Variants in ABCC5 observed in about 807,000 individuals in gnomAD.
ABCC5 encodes the protein ATP-binding cassette sub-family C member 5.
A neutral mutation model predicts 160.9 loss-of-function variants in ABCC5; 61 were observed. The ratio of observed to expected loss-of-function variants is 0.38; its 90% CI spans 0.31 to 0.47. The LOEUF is 0.47. Among genes scored for constraint, ABCC5 ranks in the 20% least tolerant of loss-of-function variants. The probability of loss-of-function intolerance (pLI) is 0.99; values close to 1 mark genes in which losing one functional copy is unlikely to be tolerated. For synonymous variants in ABCC5, 666 were observed against 700.6 expected, an observed-to-expected ratio of 0.95 and a Z score of 0.78; for missense variants, 1,308 against 1,813.3, an observed-to-expected ratio of 0.72 and a Z score of 5.06.
chr3:183,969,457 C>T (rs952746779), intron 11 of ABCC5, among the ~76,000 whole-genome samples: 10 of 152,162 alleles, frequency 6.6e-5, no homozygotes, highest in African/African-American at 2.4e-4. Flanking sequence ...CTTTGAAAGG[C>T]CAGGCAGGCA....
chr3:183,928,011 C>T (rs796592013), intron 27 of ABCC5: 3 of 167,172 alleles, frequency 1.8e-5, no homozygotes, highest in South Asian at 3.9e-4. Flanking sequence ...TGCAGCTGCT[C>T]GTGAGGGCCT....
chr3:183,961,466 T>G, intron 16 of ABCC5, 45 bp downstream of exon 16: 16 of 1,605,506 alleles, frequency 1.0e-5, no homozygotes, highest in Non-Finnish European at 1.4e-5. Flanking sequence ...TGTGTTTCCC[T>G]TGCAGAGACA....
In ABCC5 at chr3:184,017,380, G is replaced by A. The variant is rs919285879; in HGVS notation, c.-56+450C>T. The A allele has an allele frequency of 2.0e-5, 3 of 152,374 alleles. No homozygotes were observed. The highest frequency in any genetic ancestry group is 2.1e-4 in the South Asian group (1 of 4,832). 9.4% of individuals were successfully genotyped at this position (152,374 alleles called of 1,614,324 possible). A position where few individuals can be genotyped will look rare whatever the true frequency, so the allele number is the denominator to read the frequency against. On this transcript the variant is annotated intron_variant, in intron 1 of 29. Coordinates refer to ENST00000334444, the MANE Select transcript of ABCC5 (RefSeq NM_005688.4). The surrounding 1 kb of genome is among the most constrained non-coding windows in gnomAD (Gnocchi z 4.5). ...AAGGTCGCTGGCGGCTCCGCTGCGG[G>A]TTGAGCAGGGTGCCCCGAGCCACCC...
Position 183,956,104 on chromosome 3 carries a change from T to G in ABCC5, c.2483-2834A>C, listed in dbSNP as rs1413726803. Among the ~76,000 whole-genome samples the G allele has an allele frequency of 5.2e-3, 425 of 81,590 alleles. 1 individual carries two copies. The highest frequency in any genetic ancestry group is 0.028 in the Middle Eastern group (3 of 106). The allele number at this position is 81,590 out of a possible 152,430, so 53.5% of individuals were successfully genotyped here. On this transcript the variant is annotated intron_variant, in intron 17 of 29. Transcript: ENST00000334444. ...TGCAGATCCGTGTGTATATCACATC[T>G]GTTACATGCAGCTCCGTGTGTATAT...
chr3:183,989,206 C>G lies in ABCC5; in HGVS notation c.287+20G>C. 3.3e-6 allele frequency: 4 copies of G among 1,202,360 alleles called. No individual in the cohort carries two copies. Among genetic ancestry groups the G allele is most frequent in the Non-Finnish European group, 4.8e-6 (4 of 837,140 alleles). The allele number at this position is 1,202,360 out of a possible 1,614,324, so 74.5% of individuals were successfully genotyped here. A position where few individuals can be genotyped will look rare whatever the true frequency, so the allele number is the denominator to read the frequency against. On this transcript the variant is annotated intron_variant, in intron 3 of 29. Transcript: ENST00000334444. ...AAGGCCTTTGATGCTTCACTGTCATCACTCAGCACGGCATCTTACTTGGAA... is the reference window on the plus strand; with the variant it reads ...AAGGCCTTTGATGCTTCACTGTCATGACTCAGCACGGCATCTTACTTGGAA...
rs1245576464 is a variant in ABCC5 at position 183,963,624 on chromosome 3, G to T, written c.2032-36C>A. On this transcript the variant is annotated intron_variant, in intron 14 of 29. Transcript: ENST00000334444. The surrounding 1 kb of genome is among the most constrained non-coding windows in gnomAD (Gnocchi z 4.6). ...CCAGAAGTGTGGTGAAGCCTCCAGC[G>T]CAAGTCCAGAACAGCGTGGAGGGGT... is the stretch of plus-strand genomic sequence containing the variant. 7 of 1,607,632 alleles carry T rather than the reference G, an allele frequency of 4.4e-6. No individual in the cohort carries two copies. The South Asian group carries it at 5.5e-5, about 13-fold the overall frequency.
At chr3:183,933,981 T>C (rs567624266) in intron 26 of ABCC5, among the ~76,000 whole-genome samples, 1 of 152,242 alleles carries the variant, frequency 6.6e-6, no homozygotes, top group South Asian at 2.1e-4. Context: ...CTTGGGAAAC[T>C]CATCATAGGC....
chr3:183,942,968 T>C (rs772400427), intron 24 of ABCC5, 52 bp from the exon 25 acceptor site: 1 of 1,530,826 alleles, frequency 6.5e-7, no homozygotes, highest in East Asian at 2.3e-5. Flanking sequence ...CTTGGGGAGC[T>C]GCAGGCTTTG....
In ABCC5 at chr3:183,971,905, C is replaced by G; in HGVS notation, c.1419G>C (p.Met473Ile). The change falls in exon 11 of 30, where the codon ATG becomes ATC. Residue 473 changes from methionine (M) to isoleucine (I), a missense_variant. Physicochemically the swap from Met to Ile is conservative, Grantham distance 10 (BLOSUM62 1). Transcript: ENST00000334444. Reference sequence around the variant, plus strand: ...TGTTCTTTATCATGTGAACCTCTTCCATTAGAAACAAACTCTGATAGGAGT... The same window carrying G: ...TGTTCTTTATCATGTGAACCTCTTCGATTAGAAACAAACTCTGATAGGAGT... ...AVDRFKSLFL[M>I]EEVHMIKNKP... 6.2e-7 allele frequency: 1 copy of G among 1,614,054 alleles called. No individual in the cohort carries two copies. Among genetic ancestry groups the G allele is most frequent in the Non-Finnish European group, 8.5e-7 (1 of 1,180,024 alleles).
chr3:183,975,306 G>A (rs114229290), intron 10 of ABCC5, among the ~76,000 whole-genome samples: 4,252 of 152,160 alleles, frequency 0.028, 84 homozygotes, highest in Non-Finnish European at 0.044. Flanking sequence ...AGAAAGAACC[G>A]GCTTAGAGTT....
intron 2 of ABCC5, among the ~76,000 whole-genome samples, chr3:184,008,203 G>A (rs1206083309): frequency 6.6e-6 from 1 of 152,206 alleles, no homozygotes; most frequent in Non-Finnish European, 1.5e-5. Flanking sequence ...TCGGTTCAGT[G>A]CTGTGCATGC....
intron 26 of ABCC5, among the ~76,000 whole-genome samples, chr3:183,929,238 G>A (rs1008580393): frequency 1.3e-5 from 2 of 152,034 alleles, no homozygotes; most frequent in Non-Finnish European, 2.9e-5. Flanking sequence ...TTCAGGACCA[G>A]CCTGGCCAAC....
At chr3:183,953,309 G>C (rs762378059) in intron 17 of ABCC5, 39 bp from the exon 18 acceptor site, 3 of 1,551,324 alleles carry the variant, frequency 1.9e-6, no homozygotes, top group Non-Finnish European at 2.6e-6. Context: ...CAGAAGGGAA[G>C]AACTATTTCC....
At chr3:184,015,661 T>C (rs947076293) in intron 1 of ABCC5, among the ~76,000 whole-genome samples, 7 of 151,612 alleles carry the variant, frequency 4.6e-5, no homozygotes, top group Non-Finnish European at 7.4e-5. Context: ...TCAAGTACCC[T>C]AAGTTGATAT....
intron 1 of ABCC5, among the ~76,000 whole-genome samples, chr3:184,015,320 T>C (rs1463961053): frequency 2.6e-5 from 4 of 152,122 alleles, no homozygotes; most frequent in African/African-American, 7.2e-5. Flanking sequence ...AAAAAACACA[T>C]ACATACTTCT....
intron 25 of ABCC5, among the ~76,000 whole-genome samples, chr3:183,939,203 C>T (rs147829475): frequency 2.0e-3 from 297 of 152,242 alleles, no homozygotes; most frequent in African/African-American, 6.6e-3. Flanking sequence ...GAGGCTGAGG[C>T]GGGCAGATCA....
chr3:183,965,176 G>A lies in ABCC5; in HGVS notation c.2031+9C>T, dbSNP rs1717101672. 1 of 1,613,890 alleles carries A rather than the reference G, an allele frequency of 6.2e-7. No individual in the cohort carries two copies. The highest frequency in any genetic ancestry group is 8.5e-7 in the Non-Finnish European group (1 of 1,179,900). ...GCTAAATGCCTGGTCAGGGGCGGAAGGCCTGTACCTCCGTCAGGTCGCTGC... is the reference window on the plus strand; with the variant it reads ...GCTAAATGCCTGGTCAGGGGCGGAAAGCCTGTACCTCCGTCAGGTCGCTGC... On this transcript the variant is annotated intron_variant, in intron 14 of 29. Coordinates refer to ENST00000334444, the MANE Select transcript of ABCC5 (RefSeq NM_005688.4).
chr3:183,961,659 A>C lies in ABCC5; in HGVS notation c.2236-5T>G. The C allele has an allele frequency of 6.2e-7, 1 of 1,614,162 alleles. No individual in the cohort carries two copies. Among genetic ancestry groups the C allele is most frequent in the South Asian group, 1.1e-5 (1 of 91,074 alleles). ...TTCATCACAGTCAACCAGGTACTGA[A>C]GGCAAAGGCAGAGACAACACAATAT... On this transcript the variant is annotated splice_region_variant and splice_polypyrimidine_tract_variant and intron_variant, in intron 15 of 29. Coordinates refer to ENST00000334444, the MANE Select transcript of ABCC5 (RefSeq NM_005688.4).
intron 10 of ABCC5, among the ~76,000 whole-genome samples, chr3:183,973,552 C>A (rs1717956312): frequency 6.6e-6 from 1 of 152,084 alleles, no homozygotes; most frequent in African/African-American, 2.4e-5. Context: ...TATTAAATAT[C>A]ATACATAATC....
Sources: allele counts gnomAD v4.1 joint callset (sites outside exome capture counted in the v4.1 genomes callset), GRCh38; gene constraint gnomAD v4.1.1; non-coding constraint Gnocchi (gnomAD v3.1); transcripts MANE v1.5; gene names NCBI Gene and HGNC (gene_info 2026-07-23, HGNC 2026-07-21).